Variants in CCDC171 observed in about 807,000 individuals in gnomAD.
CCDC171 encodes coiled-coil domain-containing protein 171.
Under a neutral mutation model 168.2 loss-of-function variants are expected in CCDC171, and 177 were observed. That is an observed-to-expected ratio of 1.05 (90% CI 0.93 to 1.19). CCDC171 has a LOEUF of 1.19. CCDC171 is among the 50% of genes most tolerant of loss of function. The pLI is 0.00. For missense variants in CCDC171, 1,991 were observed against 1,539.0 expected (o/e 1.29, Z -4.91); for synonymous variants, 687 against 540.8 (o/e 1.27, Z -3.75).
chr9:15,922,314 G>T (rs1398806908), intron 25 of CCDC171: 5 of 171,472 alleles, frequency 2.9e-5, no homozygotes, highest in Admixed American at 5.9e-5. Flanking sequence ...CTTGTGTGAT[G>T]GTTTTTATTT....
chr9:15,560,156 T>A (rs1489947861), intron 1 of CCDC171, among the ~76,000 whole-genome samples: 3 of 152,144 alleles, frequency 2.0e-5, no homozygotes, highest in Non-Finnish European at 4.4e-5. Flanking sequence ...TGGCTGCCCT[T>A]AATATTTTTT....
intron 21 of CCDC171, among the ~76,000 whole-genome samples, chr9:15,801,729 T>A (rs543357360): frequency 6.6e-6 from 1 of 152,234 alleles, no homozygotes; most frequent in South Asian, 2.1e-4. Flanking sequence ...TCTTTCCCTA[T>A]TCAGTATGAT....
At chr9:15,613,869 A>T (rs1400700743) in intron 6 of CCDC171, among the ~76,000 whole-genome samples, 1 of 152,134 alleles carries the variant, frequency 6.6e-6, no homozygotes, top group Non-Finnish European at 1.5e-5. Context: ...ATACCTTTTT[A>T]TATTGTTGAT....
chr9:15,662,330 T>A (rs2048381419), intron 8 of CCDC171, among the ~76,000 whole-genome samples: 1 of 151,864 alleles, frequency 6.6e-6, no homozygotes, highest in Non-Finnish European at 1.5e-5. Context: ...CCAGAAATTT[T>A]GGATAATTAA....
intron 14 of CCDC171, among the ~76,000 whole-genome samples, chr9:15,726,120 T>G (rs1203280688): frequency 6.6e-6 from 1 of 152,182 alleles, no homozygotes; most frequent in Non-Finnish European, 1.5e-5. Context: ...GGAAACATTC[T>G]TTCCACTCTT....
intron 23 of CCDC171, among the ~76,000 whole-genome samples, chr9:15,866,531 A>C (rs557966534): frequency 6.6e-6 from 1 of 151,976 alleles, no homozygotes; most frequent in Non-Finnish European, 1.5e-5. Flanking sequence ...TTTTTGCTTT[A>C]ATTATTTTTA....
chr9:15,671,794 A>G (rs754651177), intron 9 of CCDC171, among the ~76,000 whole-genome samples: 1 of 151,702 alleles, frequency 6.6e-6, no homozygotes, highest in Non-Finnish European at 1.5e-5. Flanking sequence ...GTCTTTGTGA[A>G]TAGTGCCGCA....
At chr9:15,647,951 G>T (rs2047184360) in intron 7 of CCDC171, among the ~76,000 whole-genome samples, 1 of 152,122 alleles carries the variant, frequency 6.6e-6, no homozygotes, top group Admixed American at 6.5e-5. Flanking sequence ...CAAAAAAAGA[G>T]AATTTTAGAC....
intron 18 of CCDC171, among the ~76,000 whole-genome samples, chr9:15,767,545 G>A (rs998534868): frequency 1.8e-4 from 27 of 152,042 alleles, no homozygotes; most frequent in Non-Finnish European, 3.5e-4. Flanking sequence ...ACATAACACA[G>A]TCACAGGTTC....
At position 15,914,830 on chromosome 9, in the gene CCDC171, G is replaced by A. The variant is rs570240441; in HGVS notation, c.3601-5440G>A. Among the ~76,000 whole-genome samples, 148 of 152,276 alleles carry A rather than the reference G, an allele frequency of 9.7e-4. 1 individual carries two copies. Among genetic ancestry groups the A allele is most frequent in the African/African-American group, 2.6e-3 (107 of 41,562 alleles). The stretch of plus-strand genomic sequence containing the variant: ...GGGTTGTGAAGACTGTGGGAAAAGC[G>A]TAGTATCTGTGCCGGATAGCACCAT... On this transcript the variant is annotated intron_variant, in intron 24 of 25. Transcript: ENST00000380701.
chr9:15,682,019 A>C (rs527708239), intron 10 of CCDC171, among the ~76,000 whole-genome samples: 1 of 152,000 alleles, frequency 6.6e-6, no homozygotes, highest in Non-Finnish European at 1.5e-5. Context: ...TTCCCTTTTG[A>C]GGTACCAGAT....
At chr9:16,006,050 T>C (rs993117828) in intron 3 of CCDC171, among the ~76,000 whole-genome samples, 4 of 152,038 alleles carry the variant, frequency 2.6e-5, no homozygotes, top group Non-Finnish European at 2.9e-5. Flanking sequence ...TTAGTAGAGA[T>C]GGGGTTTCAC....
At chr9:16,061,623 A>G (rs1009481589), downstream of CCDC171, 2 of 152,248 alleles carry the variant, frequency 1.3e-5, no homozygotes, top group African/African-American at 2.4e-5. Flanking sequence ...ACTAATGCTA[A>G]TACAATACTA....
At position 15,744,820 on chromosome 9, in the gene CCDC171, C is replaced by T. The variant is rs193084754; in HGVS notation, c.2554+43C>T. On this transcript the variant is annotated intron_variant, in intron 17 of 25. Transcript: ENST00000380701. ...TTTAAAAATATAAGTTGCATGTAAGCGAAATACAGTGTGACTATACCTGGC... is the reference window on the plus strand; with the variant it reads ...TTTAAAAATATAAGTTGCATGTAAGTGAAATACAGTGTGACTATACCTGGC... 486 of 1,566,374 alleles carry T rather than the reference C, an allele frequency of 3.1e-4. 2 individuals are homozygous for T. The East Asian group carries it at 5.0e-3, about 16-fold the overall frequency.
At chr9:15,691,546 T>TTATATATATATATATATA (rs55892512) in intron 10 of CCDC171, among the ~76,000 whole-genome samples, 39 of 106,314 alleles carry the variant, frequency 3.7e-4, no homozygotes, top group African/African-American at 9.0e-4. Flanking sequence ...TATATGTTTT[T>TTATATATATATATATATA]TATATATATA....
At position 15,553,304 on chromosome 9, in the gene CCDC171, T is replaced by A. The variant is rs2038485192; in HGVS notation, c.-112+2T>A. 6.6e-6 allele frequency: 1 copy of A among 152,062 alleles called. No individual in the cohort carries two copies. Among genetic ancestry groups the A allele is most frequent in the African/African-American group, 2.4e-5 (1 of 41,306 alleles). 9.4% of individuals were successfully genotyped at this position (152,062 alleles called of 1,614,324 possible). ...CACGGATCACGCGAGACCCCTGAGG[T>A]AACCGCACGGTGTGGGGGCTTCGAG... is the stretch of plus-strand genomic sequence containing the variant. On this transcript the variant is annotated splice_donor_variant, in intron 1 of 25. Coordinates refer to ENST00000380701, the MANE Select transcript of CCDC171 (RefSeq NM_173550.4). LOFTEE classifies it low-confidence loss of function (5UTR_SPLICE).
At chr9:15,660,761 A>G (rs1435640040) in intron 8 of CCDC171, among the ~76,000 whole-genome samples, 2 of 152,152 alleles carry the variant, frequency 1.3e-5, no homozygotes, top group East Asian at 1.9e-4. Flanking sequence ...TGTCTTTGCT[A>G]TTGTGAATAG....
Position 15,784,620 on chromosome 9 carries a change from G to T in CCDC171, c.3193G>T (p.Glu1065Ter). ...LLNEQAQQLQ[E>*]LNYKLELHSS... is the part of the protein sequence containing the mutation. ...GAATGAACAGGCACAACAACTACAG[G>T]AATTGAATTATAAACTTGAATTGCA... Residue 1065 changes from glutamate (E) to a stop codon, truncating the protein, a stop_gained, in exon 21 of 26, where the codon GAA becomes TAA. Coordinates refer to ENST00000380701, the MANE Select transcript of CCDC171 (RefSeq NM_173550.4). LOFTEE classifies it high-confidence loss of function. 8.1e-6 allele frequency: 13 copies of T among 1,613,366 alleles called. No homozygotes were observed. The highest frequency in any genetic ancestry group is 1.1e-5 in the Non-Finnish European group (13 of 1,179,540).
chr9:15,683,642 A>T (rs1410660732), intron 10 of CCDC171, among the ~76,000 whole-genome samples: 1 of 152,066 alleles, frequency 6.6e-6, no homozygotes, highest in Non-Finnish European at 1.5e-5. Context: ...TATTCCTTTT[A>T]GGAGGCTGAC....
Sources: gnomAD v4.1 joint callset for allele counts (sites outside exome capture counted in the v4.1 genomes callset) on GRCh38, gnomAD v4.1.1 for gene constraint, MANE v1.5 for transcripts, NCBI Gene and HGNC (gene_info 2026-07-23, HGNC 2026-07-21) for gene names.